The following NUP205 variants were observed in gnomAD, a reference collection of about 807,000 sequenced individuals.
The protein encoded by NUP205 is nuclear pore complex protein Nup205.
A neutral mutation model predicts 253.8 loss-of-function variants in NUP205; 76 were observed. That is an observed-to-expected ratio of 0.30 (90% CI 0.25 to 0.36). NUP205 has a LOEUF of 0.36. Among genes scored for constraint, NUP205 ranks in the 10% least tolerant of loss-of-function variants. The probability of loss-of-function intolerance (pLI) is 1.00; values close to 1 mark genes in which losing one functional copy is unlikely to be tolerated. For missense variants in NUP205, 2,162 were observed against 2,425.5 expected, an observed-to-expected ratio of 0.89 and a Z score of 2.28; for synonymous variants, 832 against 850.1, an observed-to-expected ratio of 0.98 and a Z score of 0.37.
intron 1 of NUP205, among the ~76,000 whole-genome samples, chr7:135,567,122 ATGTGTG>A (rs144618990): frequency 0.34 from 10,365 of 30,624 alleles, 2,068 homozygotes; most frequent in Middle Eastern, 0.52. Context: ...TGCTCAGTCT[ATGTGTG>A]TATATATATA....
Position 135,645,616 on chromosome 7 carries a change from T to G in NUP205, c.5812+20T>G. On this transcript the variant is annotated intron_variant, in intron 41 of 42. Transcript: ENST00000285968. ...TGCAAGGTAAACTTTCTGCTAAAAA[T>G]TAATGAACCATAAATACCTATTTGT... The G allele has an allele frequency of 1.2e-6, 2 of 1,606,976 alleles. No homozygotes were observed. Among genetic ancestry groups the G allele is most frequent in the Non-Finnish European group, 8.5e-7 (1 of 1,178,152 alleles).
At chr7:135,626,435 T>C (rs933275649) in intron 33 of NUP205, 74 bp downstream of exon 33, 5 of 1,511,486 alleles carry the variant, frequency 3.3e-6, no homozygotes, top group Non-Finnish European at 4.5e-6. Flanking sequence ...ATTCCAAACA[T>C]AATTTTGCCG....
intron 7 of NUP205, among the ~76,000 whole-genome samples, chr7:135,582,395 A>G (rs1806331423): frequency 1.3e-5 from 2 of 152,248 alleles, no homozygotes; most frequent in Admixed American, 1.3e-4. Flanking sequence ...ATATTTAATA[A>G]TTAGTAATTT....
chr7:135,607,183 C>T (rs1354987870), intron 21 of NUP205, 64 bp from the exon 22 acceptor site: 2 of 1,573,036 alleles, frequency 1.3e-6, no homozygotes, highest in East Asian at 2.2e-5. Flanking sequence ...TTTGAAAAGG[C>T]AGTCTAAGAT....
chr7:135,572,542 T>G (rs1262353013), intron 2 of NUP205, among the ~76,000 whole-genome samples: 6 of 152,138 alleles, frequency 3.9e-5, no homozygotes, highest in Admixed American at 6.5e-5. Context: ...ATGCTTTTCT[T>G]GTTGTTTGGC....
Position 135,619,894 on chromosome 7 carries a change from A to G in NUP205, c.4330+6A>G, listed in dbSNP as rs1413241809. On this transcript the variant is annotated splice_donor_region_variant and intron_variant, in intron 30 of 42. Transcript: ENST00000285968. ...ACCAGACACCTTAGAAGCAGGTAGA[A>G]TGAGATCAATTCCTAATCTTTTCTG... 1 of 1,544,114 alleles carries G rather than the reference A, an allele frequency of 6.5e-7. No individual in the cohort carries two copies. The highest frequency in any genetic ancestry group is 8.9e-7 in the Non-Finnish European group (1 of 1,122,066).
chr7:135,586,106 A>T (rs1414103428), intron 8 of NUP205, among the ~76,000 whole-genome samples: 4 of 149,724 alleles, frequency 2.7e-5, no homozygotes, highest in African/African-American at 4.9e-5. Context: ...TGTTTATATT[A>T]TAAAACCACC....
At chr7:135,640,044 A>G (rs1195644509) in intron 38 of NUP205, among the ~76,000 whole-genome samples, 1 of 152,104 alleles carries the variant, frequency 6.6e-6, no homozygotes, top group Non-Finnish European at 1.5e-5. Flanking sequence ...AACATCACAC[A>G]CCAGTGCCTG....
At chr7:135,570,691 A>T (rs13311298) in intron 1 of NUP205, among the ~76,000 whole-genome samples, 14 of 73,344 alleles carry the variant, frequency 1.9e-4, no homozygotes, top group East Asian at 7.8e-4. Flanking sequence ...TAATTATATT[A>T]ATATAATTAA....
At chr7:135,606,729 GT>G (rs1264728622) in intron 20 of NUP205, 21 bp from the exon 21 acceptor site, 2 of 1,600,196 alleles carry the variant, frequency 1.2e-6, no homozygotes, top group Non-Finnish European at 1.7e-6. Context: ...TTGTAATTTT[GT>G]TTTGTGATTT....
chr7:135,644,521 T>G (rs58577912), intron 39 of NUP205, among the ~76,000 whole-genome samples: 24,592 of 152,168 alleles, frequency 0.16, 2,198 homozygotes, highest in East Asian at 0.24. Context: ...CTACCTTGTA[T>G]TTTTTGCAGA....
chr7:135,604,348 A>G lies in NUP205; in HGVS notation c.2711A>G (p.Tyr904Cys), dbSNP rs1359581976. 3 of 1,607,616 alleles carry G rather than the reference A, an allele frequency of 1.9e-6. No individual in the cohort carries two copies. Among genetic ancestry groups the G allele is most frequent in the Admixed American group, 1.7e-5 (1 of 58,374 alleles). ...DNVVNIARYL[Y>C]HGNTNPELAF... ...TTTTCTTTTCTTTAAAGATACCTAT[A>G]TCATGGCAATACTAATCCAGAATTG... Residue 904 changes from tyrosine to cysteine, a missense_variant, in exon 19 of 43, where the codon TAT becomes TGT. By Grantham distance (194) the Tyr-to-Cys change is radical. Coordinates refer to ENST00000285968, the MANE Select transcript of NUP205 (RefSeq NM_015135.3).
chr7:135,576,511 T>A, intron 4 of NUP205, 97 bp downstream of exon 4: 1 of 1,000,114 alleles, frequency 1.0e-6, no homozygotes, highest in Non-Finnish European at 1.5e-6. Context: ...ATATGTAACA[T>A]AAGCTGAGTA....
chr7:135,591,470 T>G lies in NUP205; in HGVS notation c.1494T>G (p.Val498=). ...PQRQVVLSKF[V]RQMGDLLPPT... Reference sequence around the variant, plus strand: ...TTCAGGTTGTCTTGTCAAAGTTTGTTAGGCAAATGGGTGACCTGTTGCCTC... The same window carrying G: ...TTCAGGTTGTCTTGTCAAAGTTTGTGAGGCAAATGGGTGACCTGTTGCCTC... The change falls in exon 11 of 43, where the codon GTT becomes GTG. Residue 498 remains valine, a synonymous_variant. Transcript: ENST00000285968. 6.2e-7 allele frequency: 1 copy of G among 1,613,918 alleles called. No homozygotes were observed. The highest frequency in any genetic ancestry group is 8.5e-7 in the Non-Finnish European group (1 of 1,179,836).
intron 1 of NUP205, among the ~76,000 whole-genome samples, chr7:135,562,839 C>T (rs1274082519): frequency 6.6e-6 from 1 of 152,128 alleles, no homozygotes; most frequent in South Asian, 2.1e-4. Context: ...CCACCACACT[C>T]GGTCATCAAA....
At chr7:135,560,634 A>T (rs1161254437) in intron 1 of NUP205, among the ~76,000 whole-genome samples, 1 of 152,250 alleles carries the variant, frequency 6.6e-6, no homozygotes, top group Non-Finnish European at 1.5e-5. Flanking sequence ...TATATATAGT[A>T]TCCTTATGCA....
intron 36 of NUP205, among the ~76,000 whole-genome samples, chr7:135,636,079 G>A (rs1420470243): frequency 2.0e-5 from 3 of 152,032 alleles, no homozygotes; most frequent in Non-Finnish European, 4.4e-5. Context: ...TGGTTTTTAT[G>A]TACTTATTAC....
intron 1 of NUP205, among the ~76,000 whole-genome samples, chr7:135,569,353 G>A (rs1210168052): frequency 1.3e-5 from 2 of 152,198 alleles, no homozygotes; most frequent in African/African-American, 2.4e-5. Flanking sequence ...GATTACAGGC[G>A]TGAGCCACCG....
chr7:135,634,241 C>T (rs908331859), intron 35 of NUP205, among the ~76,000 whole-genome samples: 1 of 152,120 alleles, frequency 6.6e-6, no homozygotes, highest in African/African-American at 2.4e-5. Flanking sequence ...CACAGATATT[C>T]TGAAAAGTAT....
Sources: allele counts gnomAD v4.1 joint callset (sites outside exome capture counted in the v4.1 genomes callset), GRCh38; gene constraint gnomAD v4.1.1; transcripts MANE v1.5; gene names NCBI Gene and HGNC (gene_info 2026-07-23, HGNC 2026-07-21).